Variants in IGSF22 observed in about 807,000 individuals in gnomAD.
IGSF22 encodes immunoglobulin superfamily member 22, also known as immunoglobulin superfamily, member 22.
IGSF22 carries 119 observed loss-of-function variants against 127.0 expected under a neutral mutation model. That is an observed-to-expected ratio of 0.94 (90% CI 0.81 to 1.09). IGSF22 has a LOEUF of 1.09. Ranked by LOEUF, IGSF22 falls within the 50% of genes least tolerant of loss-of-function variation. The pLI is 0.00. For synonymous variants in IGSF22, 568 were observed against 664.7 expected (o/e 0.85, Z 2.24); for missense variants, 1,518 against 1,716.6 (o/e 0.88, Z 2.04).
intron 20 of IGSF22, 27 bp from the exon 21 acceptor site, chr11:18,707,240 G>C: frequency 1.3e-6 from 2 of 1,495,332 alleles, no homozygotes; most frequent in Non-Finnish European, 1.8e-6. Flanking sequence ...ATCTGTCAGC[G>C]ACCTTGGGGC....
At position 18,709,947 on chromosome 11, in the gene IGSF22, AC is replaced by A. The variant is rs1231644081; in HGVS notation, c.2702-265del. 6.6e-6 allele frequency among the ~76,000 whole-genome samples: 1 copy of A among 151,842 alleles called. No individual in the cohort carries two copies. The highest frequency in any genetic ancestry group is 1.5e-5 in the Non-Finnish European group (1 of 67,952). ...CATATTCAAAGCTTCTGTATTCAAA[AC>A]CCCAGCCTTTAACCCAACCATCTCC... On this transcript the variant is annotated intron_variant, in intron 17 of 22. Coordinates refer to ENST00000513874, the MANE Select transcript of IGSF22 (RefSeq NM_173588.4). This position sits in a 1 kb window ranked among gnomAD's most constrained non-coding sequence, Gnocchi z 4.8.
In IGSF22 at chr11:18,716,975, C is replaced by T; in HGVS notation, c.999G>A (p.Glu333=). The T allele has an allele frequency of 6.2e-7, 1 of 1,614,194 alleles. No homozygotes were observed. The highest frequency in any genetic ancestry group is 2.2e-5 in the East Asian group (1 of 44,888). ...GCTCTGTCACCTTCACAGGCTTCATCTCTCCCAGGAACTTCAGTGGCTCAT... is the reference window on the plus strand; with the variant it reads ...GCTCTGTCACCTTCACAGGCTTCATTTCTCCCAGGAACTTCAGTGGCTCAT... ...VLDEPLKFLG[E]MKPVKVTERQ... is the part of the protein sequence containing the mutation. The change falls in exon 10 of 23, where the codon GAG becomes GAA. Residue 333 remains glutamate (E), a synonymous_variant. Transcript: ENST00000513874. The surrounding 1 kb of genome is among the most constrained non-coding windows in gnomAD (Gnocchi z 4.5).
chr11:18,705,831 G>C lies in IGSF22; in HGVS notation c.3896C>G (p.Thr1299Arg). The change falls in exon 22 of 23, where the codon ACG (threonine) becomes AGG (arginine). Residue 1299 changes from threonine (T) to arginine (R), a missense_variant. By Grantham distance (71) the Thr-to-Arg change is moderately conservative. Transcript: ENST00000513874. ...NELGKDRSSCTLTVYDKDDKS... is the reference protein window; with the variant it reads ...NELGKDRSSCRLTVYDKDDKS... ...GGCGCCCTCACCATAGACGGTGAGC[G>C]TGCAGCTGCTGCGGTCCTTGCCCAG... 1.9e-6 allele frequency: 3 copies of C among 1,547,300 alleles called. No homozygotes were observed. The highest frequency in any genetic ancestry group is 2.6e-6 in the Non-Finnish European group (3 of 1,145,654).
In IGSF22 at chr11:18,719,957, C is replaced by T. The variant is rs1467089062; in HGVS notation, c.519-64G>A. ...CCTCTCCAACCTTGAGAAACCCCTC[C>T]CTACTCCATGGATTCTTGGAACTCA... On this transcript the variant is annotated intron_variant, in intron 6 of 22. Transcript: ENST00000513874. 3.7e-6 allele frequency: 6 copies of T among 1,610,632 alleles called. No homozygotes were observed. In the Admixed American group the frequency reaches 1.0e-4, roughly 27 times the overall value.
Position 18,706,982 on chromosome 11 carries a change from G to C in IGSF22, c.3512C>G (p.Ala1171Gly). Residue 1171 changes from alanine (A) to glycine (G), a missense_variant, in exon 21 of 23, where the codon GCT (alanine) becomes GGT (glycine). Coordinates refer to ENST00000513874, the MANE Select transcript of IGSF22 (RefSeq NM_173588.4). ...CTCACTGTCACCGATTTCATTCCGA[G>C]CCACCACTCTGAAGTAGTACTTCCT... Reference protein sequence around the residue: ...PGRKYYFRVVARNEIGDSEPL... With the variant: ...PGRKYYFRVVGRNEIGDSEPL... 1.3e-6 allele frequency: 2 copies of C among 1,547,584 alleles called. No individual in the cohort carries two copies. The highest frequency in any genetic ancestry group is 1.7e-6 in the Non-Finnish European group (2 of 1,144,488).
At chr11:18,712,423 C>T (rs1564870684) in intron 14 of IGSF22, 39 bp from the exon 15 acceptor site, 2 of 1,515,266 alleles carry the variant, frequency 1.3e-6, no homozygotes, top group African/African-American at 1.4e-5. Flanking sequence ...GGCTTTGGAA[C>T]AAAGGATCAG....
chr11:18,709,873 T>A lies in IGSF22; in HGVS notation c.2702-190A>T, dbSNP rs142789726. Among the ~76,000 whole-genome samples the A allele has an allele frequency of 1.3e-5, 2 of 152,342 alleles. No homozygotes were observed. The highest frequency in any genetic ancestry group is 1.3e-4 in the Admixed American group (2 of 15,310). On this transcript the variant is annotated intron_variant, in intron 17 of 22. Coordinates refer to ENST00000513874, the MANE Select transcript of IGSF22 (RefSeq NM_173588.4). This position sits in a 1 kb window ranked among gnomAD's most constrained non-coding sequence, Gnocchi z 4.8. ...TTCAAATTCAGTTATCTTACTGTTT[T>A]AACACTTTCATCCTTAAACTCAATA...
chr11:18,717,162 T>C (rs1848478474), intron 9 of IGSF22, among the ~76,000 whole-genome samples, 162 bp from the exon 10 acceptor site: 1 of 152,188 alleles, frequency 6.6e-6, no homozygotes, highest in Non-Finnish European at 1.5e-5. Flanking sequence ...TGGAGTCCCC[T>C]CCTATGATAT....
intron 6 of IGSF22, 54 bp downstream of exon 6, chr11:18,720,010 C>G: frequency 6.2e-7 from 1 of 1,612,244 alleles, no homozygotes; most frequent in Non-Finnish European, 8.5e-7. Context: ...CTTTGAGAGG[C>G]TTTGGCCTGG....
chr11:18,718,340 G>A (rs1188692610), intron 8 of IGSF22, among the ~76,000 whole-genome samples: 1 of 152,158 alleles, frequency 6.6e-6, no homozygotes, highest in Non-Finnish European at 1.5e-5. Context: ...TCCCTTAGAG[G>A]CACAGATCTT....
Position 18,710,750 on chromosome 11 carries a change from G to T in IGSF22, c.2477C>A (p.Thr826Asn). Reference protein sequence around the residue: ...EAVTITWNAPTQDGGAPVLGY... With the variant: ...EAVTITWNAPNQDGGAPVLGY... ...GAGCACTGGGGCTCCCCCATCCTGG[G>T]TAGGGGCATTCCACGTGATGGTCAC... The change falls in exon 16 of 23, where the codon ACC becomes AAC. Residue 826 changes from threonine (T) to asparagine (N), a missense_variant. By Grantham distance (65) the Thr-to-Asn change is moderately conservative. Around this residue, in one of 3 missense-constraint regions of IGSF22, gnomAD observed 1,456 missense variants for 1,644.9 expected, o/e 0.89. Transcript: ENST00000513874. 6.2e-7 allele frequency: 1 copy of T among 1,614,164 alleles called. No individual in the cohort carries two copies. The highest frequency in any genetic ancestry group is 8.5e-7 in the Non-Finnish European group (1 of 1,180,006).
Position 18,724,167 on chromosome 11 carries a change from G to C in IGSF22, c.70C>G (p.His24Asp), listed in dbSNP as rs745586397. 1 of 1,614,016 alleles carries C rather than the reference G, an allele frequency of 6.2e-7. No individual in the cohort carries two copies. The highest frequency in any genetic ancestry group is 1.1e-5 in the South Asian group (1 of 91,046). The stretch of plus-strand genomic sequence containing the variant: ...GTTGTCTGGGAGAAGGTCTGCACGT[G>C]GGTGGTGGAGCTGGAGAACTCCATG... ...VSMEFSSSTT[H>D]VQTFSQTTKI... Residue 24 changes from histidine to aspartate, a missense_variant, in exon 2 of 23, where the codon CAC becomes GAC. Around this residue, in one of 3 missense-constraint regions of IGSF22, gnomAD observed 1,456 missense variants for 1,644.9 expected, o/e 0.89. Transcript: ENST00000513874.
At position 18,713,868 on chromosome 11, in the gene IGSF22, C is replaced by T; in HGVS notation, c.2079G>A (p.Leu693=). 6.2e-7 allele frequency: 1 copy of T among 1,613,346 alleles called. No homozygotes were observed. The change falls in exon 14 of 23, where the codon CTG becomes CTA. Residue 693 remains leucine (L), a synonymous_variant. Coordinates refer to ENST00000513874, the MANE Select transcript of IGSF22 (RefSeq NM_173588.4). ...TGCCCTGACCCAGCACACTAAGGTG[C>T]AGAGTGGCCGTGGCTGAGCCGTGGT... ...KNDHGSATAT[L]HLSVLDRPKP...
chr11:18,714,435 G>A lies in IGSF22; in HGVS notation c.1657-17C>T. 2 of 1,613,924 alleles carry A rather than the reference G, an allele frequency of 1.2e-6. No individual in the cohort carries two copies. The highest frequency in any genetic ancestry group is 2.2e-5 in the South Asian group (2 of 91,070). On this transcript the variant is annotated splice_polypyrimidine_tract_variant and intron_variant, in intron 12 of 22. Transcript: ENST00000513874. ...GTCCGTGATCTGGGGGTCAGGGGTG[G>A]GCCTGAGTGTGAGCATAGGCCAGGT...
chr11:18,706,149 G>A lies in IGSF22; in HGVS notation c.3581-3C>T. 6.5e-7 allele frequency: 1 copy of A among 1,533,434 alleles called. No homozygotes were observed. The highest frequency in any genetic ancestry group is 8.8e-7 in the Non-Finnish European group (1 of 1,142,182). The allele number at this position is 1,533,434 out of a possible 1,614,324, so 95.0% of individuals were successfully genotyped here. A position where few individuals can be genotyped will look rare whatever the true frequency, so the allele number is the denominator to read the frequency against. On this transcript the variant is annotated splice_polypyrimidine_tract_variant and splice_region_variant and intron_variant, in intron 21 of 22. Transcript: ENST00000513874. ...GAGCTTGGCGCTCAGGTCCTGGACT[G>A]CGCGGGCGGGGCGGGGCAGGCCGTG... is the stretch of plus-strand genomic sequence containing the variant.
intron 1 of IGSF22, among the ~76,000 whole-genome samples, chr11:18,725,323 T>C (rs901650485): frequency 5.9e-5 from 9 of 152,338 alleles, no homozygotes; most frequent in Non-Finnish European, 8.8e-5. Flanking sequence ...AGACAGGGTT[T>C]CATCTTGTTG....
At chr11:18,723,715 A>C (rs893826294) in intron 2 of IGSF22, among the ~76,000 whole-genome samples, 7 of 152,214 alleles carry the variant, frequency 4.6e-5, no homozygotes, top group Non-Finnish European at 7.3e-5. Flanking sequence ...CTCCACTGGT[A>C]GCCCCAAGTC....
At position 18,706,162 on chromosome 11, in the gene IGSF22, G is replaced by A. The variant is rs749705610; in HGVS notation, c.3581-16C>T. 12 of 1,525,970 alleles carry A rather than the reference G, an allele frequency of 7.9e-6. No individual in the cohort carries two copies. The South Asian group carries it at 1.2e-4, about 15-fold the overall frequency. 94.5% of individuals were successfully genotyped at this position (1,525,970 alleles called of 1,614,324 possible). On this transcript the variant is annotated splice_polypyrimidine_tract_variant and intron_variant, in intron 21 of 22. Coordinates refer to ENST00000513874, the MANE Select transcript of IGSF22 (RefSeq NM_173588.4). ...AGGTCCTGGACTGCGCGGGCGGGGC[G>A]GGGCAGGCCGTGAGGGCGCCCCAAG...
chr11:18,705,156 A>C (rs779582738), intron 22 of IGSF22, among the ~76,000 whole-genome samples: 6 of 132,862 alleles, frequency 4.5e-5, no homozygotes, highest in Non-Finnish European at 8.0e-5. Context: ...GAGGTGGGGG[A>C]GGGGGAAACC....
Sources: gnomAD v4.1 joint callset for allele counts (sites outside exome capture counted in the v4.1 genomes callset) on GRCh38, gnomAD v4.1.1 for gene constraint, gnomAD v4.1.1 regional missense constraint, Gnocchi (gnomAD v3.1) non-coding constraint, MANE v1.5 for transcripts, NCBI Gene and HGNC (gene_info 2026-07-23, HGNC 2026-07-21) for gene names.